The following NTRK2 variants were observed in gnomAD, a reference collection of about 807,000 sequenced individuals.
The protein encoded by NTRK2 is neurotrophic receptor tyrosine kinase 2, also known as BDNF/NT-3 growth factors receptor.
Under a neutral mutation model 94.5 loss-of-function variants are expected in NTRK2, and 13 were observed. The observed-to-expected ratio is 0.14, with a 90% CI of 0.09 to 0.22. NTRK2 has a LOEUF of 0.22. NTRK2 is among the 10% of genes least tolerant of loss of function. The pLI, the probability that NTRK2 is intolerant of heterozygous loss-of-function variation, is 1.00. For missense variants in NTRK2, 639 were observed against 1,071.2 expected (o/e 0.60, Z 5.63); for synonymous variants, 372 against 407.4 (o/e 0.91, Z 1.05).
chr9:84,844,042 G>A (rs559116093), intron 12 of NTRK2, among the ~76,000 whole-genome samples: 3 of 152,310 alleles, frequency 2.0e-5, no homozygotes, highest in Non-Finnish European at 2.9e-5. Flanking sequence ...GGGGAGATAC[G>A]AGAAGAAAGT....
intron 13 of NTRK2, 115 bp from the exon 14 acceptor site, chr9:84,867,128 A>G: frequency 1.0e-6 from 1 of 967,174 alleles, no homozygotes; most frequent in East Asian, 2.6e-5. Flanking sequence ...CTACTCTGTG[A>G]ATATACTAAA....
intron 17 of NTRK2, among the ~76,000 whole-genome samples, chr9:84,980,320 G>C (rs933596914): frequency 3.3e-5 from 5 of 152,180 alleles, no homozygotes; most frequent in Admixed American, 6.5e-5. Context: ...TAGCTGTGCA[G>C]AGAGCATGAT....
rs2118000261 is a variant in NTRK2 at position 85,021,260 on chromosome 9, G to A, written c.2340G>A (p.Glu780=). ...WYQLSNNEVI[E]CITQGRVLQR... is the part of the protein sequence containing the mutation. Reference sequence around the variant, plus strand: ...CTTTGATCTCCATCCAGGTGATAGAGTGTATCACTCAGGGCCGAGTCCTGC... The same window carrying A: ...CTTTGATCTCCATCCAGGTGATAGAATGTATCACTCAGGGCCGAGTCCTGC... Residue 780 remains glutamate (E), a synonymous_variant, in exon 19 of 19, where the codon GAG becomes GAA. Coordinates refer to ENST00000277120, the MANE Select transcript of NTRK2 (RefSeq NM_006180.6). 1.2e-6 allele frequency: 2 copies of A among 1,613,944 alleles called. No individual in the cohort carries two copies. Among genetic ancestry groups the A allele is most frequent in the Non-Finnish European group, 1.7e-6 (2 of 1,179,932 alleles).
chr9:84,768,686 C>G (rs2132775938), intron 12 of NTRK2, among the ~76,000 whole-genome samples: 1 of 152,100 alleles, frequency 6.6e-6, no homozygotes, highest in African/African-American at 2.4e-5. Context: ...TTGTAGGTGT[C>G]AAAGAAAACC....
At position 84,769,729 on chromosome 9, in the gene NTRK2, G is replaced by A. The variant is rs141551731; in HGVS notation, c.1396+17644G>A. 5.1e-3 allele frequency among the ~76,000 whole-genome samples: 776 copies of A among 152,286 alleles called. 7 individuals are homozygous for A. The highest frequency in any genetic ancestry group is 0.018 in the African/African-American group (732 of 41,556). On this transcript the variant is annotated intron_variant, in intron 12 of 18. Coordinates refer to ENST00000277120, the MANE Select transcript of NTRK2 (RefSeq NM_006180.6). The stretch of plus-strand genomic sequence containing the variant: ...GCCCTCCATTAGGGACCAGCACAAC[G>A]TTCTTCAGCAGAAAACCACAACAGT...
chr9:84,794,980 T>TC (rs1435237573), intron 12 of NTRK2, among the ~76,000 whole-genome samples: 1 of 152,152 alleles, frequency 6.6e-6, no homozygotes. Flanking sequence ...CTTGGAAACA[T>TC]CTACTGTCTT....
At position 84,880,154 on chromosome 9, in the gene NTRK2, T is replaced by C. The variant is rs183408285; in HGVS notation, c.1633+12723T>C. Among the ~76,000 whole-genome samples, 15 of 152,354 alleles carry C rather than the reference T, an allele frequency of 9.8e-5. No individual in the cohort carries two copies. The East Asian group carries it at 2.5e-3, about 25-fold the overall frequency. On this transcript the variant is annotated intron_variant, in intron 14 of 18. Coordinates refer to ENST00000277120, the MANE Select transcript of NTRK2 (RefSeq NM_006180.6). ...AGCTATACCATAGATCTCAGACTCT[T>C]TCTTGAGTGGGTTCACTCCTCGGAG...
intron 12 of NTRK2, among the ~76,000 whole-genome samples, chr9:84,783,303 T>C (rs2067788743): frequency 6.6e-6 from 1 of 152,234 alleles, no homozygotes; most frequent in Admixed American, 6.5e-5. Flanking sequence ...TGTATTGCAA[T>C]GTATATTTTG....
At position 84,932,757 on chromosome 9, in the gene NTRK2, G is replaced by T. The variant is rs2078082296; in HGVS notation, c.1634-1405G>T. ...ACAGAATGTGAGTTCACAGGAAGAG[G>T]TCTTTGGTGGTCAAAGTGGTCCTGG... On this transcript the variant is annotated intron_variant, in intron 14 of 18. Transcript: ENST00000277120. Among the ~76,000 whole-genome samples the T allele has an allele frequency of 2.6e-5, 4 of 152,296 alleles. No individual in the cohort carries two copies. The South Asian group carries it at 8.3e-4, about 32-fold the overall frequency.
intron 12 of NTRK2, among the ~76,000 whole-genome samples, chr9:84,816,606 C>G (rs1208217727): frequency 1.3e-5 from 2 of 151,768 alleles, no homozygotes; most frequent in African/African-American, 2.4e-5. Context: ...TGGTGAAACC[C>G]TGTCTCTACT....
At chr9:84,899,244 T>G (rs1018314959) in intron 14 of NTRK2, among the ~76,000 whole-genome samples, 10 of 152,302 alleles carry the variant, frequency 6.6e-5, no homozygotes, top group Non-Finnish European at 2.9e-5. Flanking sequence ...CTTCAGAAAA[T>G]TTGAATGACT....
At chr9:84,894,693 A>G (rs1028372608) in intron 14 of NTRK2, among the ~76,000 whole-genome samples, 7 of 152,256 alleles carry the variant, frequency 4.6e-5, no homozygotes, top group African/African-American at 1.7e-4. Flanking sequence ...ACTTACAAAT[A>G]TATCTGAGTG....
intron 12 of NTRK2, among the ~76,000 whole-genome samples, chr9:84,807,553 G>A (rs561396306): frequency 2.6e-5 from 4 of 152,262 alleles, no homozygotes; most frequent in East Asian, 3.9e-4. Flanking sequence ...ATGCACCATC[G>A]GAATGCTACA....
chr9:84,713,412 C>T (rs1588117129), intron 6 of NTRK2, among the ~76,000 whole-genome samples: 1 of 152,066 alleles, frequency 6.6e-6, no homozygotes, highest in African/African-American at 2.4e-5. Flanking sequence ...ATTTTTGCTT[C>T]CCTTTACTTC....
chr9:84,750,762 A>G (rs1360777919), intron 11 of NTRK2, among the ~76,000 whole-genome samples: 1 of 152,218 alleles, frequency 6.6e-6, no homozygotes, highest in Admixed American at 6.5e-5. Flanking sequence ...TAGAGAAGCC[A>G]ACTGTTTTTG....
At chr9:84,778,142 C>T (rs1442815750) in intron 12 of NTRK2, among the ~76,000 whole-genome samples, 3 of 152,058 alleles carry the variant, frequency 2.0e-5, no homozygotes. Context: ...GGGCACCTGT[C>T]GTCCCAGCTA....
intron 12 of NTRK2, among the ~76,000 whole-genome samples, chr9:84,787,552 C>A (rs1316890318): frequency 2.6e-5 from 4 of 152,122 alleles, no homozygotes; most frequent in African/African-American, 9.7e-5. Context: ...AGTAATGACT[C>A]TGTCAATGGA....
At chr9:85,000,686 C>T (rs929094851) in intron 17 of NTRK2, among the ~76,000 whole-genome samples, 15 of 152,116 alleles carry the variant, frequency 9.9e-5, no homozygotes, top group Admixed American at 7.9e-4. Context: ...TAGCTGCTTC[C>T]GAATTTTGGC....
chr9:84,719,911 T>G (rs941116525), intron 6 of NTRK2, among the ~76,000 whole-genome samples: 2 of 149,474 alleles, frequency 1.3e-5, no homozygotes, highest in African/African-American at 5.0e-5. Flanking sequence ...TCCCAGCTAC[T>G]CAGGAGCCTG....
Sources: allele counts gnomAD v4.1 joint callset (sites outside exome capture counted in the v4.1 genomes callset), GRCh38; gene constraint gnomAD v4.1.1; transcripts MANE v1.5; gene names NCBI Gene and HGNC (gene_info 2026-07-23, HGNC 2026-07-21).